The following MAGI2 variants were observed in gnomAD, a reference collection of about 807,000 sequenced individuals.
The protein encoded by MAGI2 is membrane associated guanylate kinase, WW and PDZ domain containing 2.
Under a neutral mutation model 133.3 loss-of-function variants are expected in MAGI2, and 35 were observed. That is an observed-to-expected ratio of 0.26 (90% CI 0.20 to 0.35). The LOEUF is 0.35. Ranked by LOEUF, MAGI2 falls within the 10% of genes least tolerant of loss-of-function variation. The probability of loss-of-function intolerance (pLI) is 1.00; values close to 1 mark genes in which losing one functional copy is unlikely to be tolerated. For synonymous variants in MAGI2, 729 were observed against 710.6 expected, an observed-to-expected ratio of 1.03 and a Z score of -0.41; for missense variants, 1,636 against 1,863.4, an observed-to-expected ratio of 0.88 and a Z score of 2.25.
intron 1 of MAGI2, among the ~76,000 whole-genome samples, chr7:79,077,523 C>G (rs1228838817): frequency 7.4e-6 from 1 of 135,714 alleles, no homozygotes; most frequent in Non-Finnish European, 1.5e-5. Flanking sequence ...TGCAGTGAGC[C>G]GAGATTGTGC....
At chr7:78,357,356 T>A (rs2151221056) in intron 7 of MAGI2, among the ~76,000 whole-genome samples, 1 of 152,292 alleles carries the variant, frequency 6.6e-6, no homozygotes, top group South Asian at 2.1e-4. Flanking sequence ...GCTATTAATA[T>A]TTTTTTCTCT....
chr7:78,631,078 C>T (rs754215839), intron 2 of MAGI2, among the ~76,000 whole-genome samples: 2 of 152,114 alleles, frequency 1.3e-5, no homozygotes, highest in Non-Finnish European at 2.9e-5. Flanking sequence ...GCATGGAAGC[C>T]ACATTGTTTG....
At chr7:78,888,187 C>A (rs570358314) in intron 2 of MAGI2, among the ~76,000 whole-genome samples, 1 of 152,018 alleles carries the variant, frequency 6.6e-6, no homozygotes, top group African/African-American at 2.4e-5. Flanking sequence ...GGGGGAGGGG[C>A]GCCCACCATT....
At chr7:79,028,332 T>TACACAC (rs1159498898) in intron 1 of MAGI2, among the ~76,000 whole-genome samples, 1 of 26,296 alleles carries the variant, frequency 3.8e-5, no homozygotes, top group Non-Finnish European at 1.1e-4. Flanking sequence ...TATATACATA[T>TACACAC]ATATACACAC....
chr7:78,279,886 G>A (rs968920055), intron 9 of MAGI2, among the ~76,000 whole-genome samples: 1 of 152,174 alleles, frequency 6.6e-6, no homozygotes, highest in Admixed American at 6.6e-5. Context: ...TACGGAGATT[G>A]AAAACTGAAA....
At chr7:78,570,807 T>G (rs80214630) in intron 3 of MAGI2, among the ~76,000 whole-genome samples, 2,085 of 152,308 alleles carry the variant, frequency 0.014, 42 homozygotes, top group African/African-American at 0.047. Context: ...TTCTTTGTTT[T>G]GATTTCATCC....
chr7:78,435,790 A>G (rs1800228719), intron 6 of MAGI2, among the ~76,000 whole-genome samples: 1 of 152,168 alleles, frequency 6.6e-6, no homozygotes, highest in Admixed American at 6.6e-5. Flanking sequence ...CCAGAAAACA[A>G]ACAGTTCCTT....
chr7:79,147,800 G>A (rs1822794011), intron 1 of MAGI2, among the ~76,000 whole-genome samples: 1 of 152,148 alleles, frequency 6.6e-6, no homozygotes, highest in Non-Finnish European at 1.5e-5. Flanking sequence ...AAGCATGAGG[G>A]TGGCAGCAGC....
chr7:78,891,680 A>C (rs941244391), intron 2 of MAGI2, among the ~76,000 whole-genome samples: 1 of 152,054 alleles, frequency 6.6e-6, no homozygotes, highest in Non-Finnish European at 1.5e-5. Flanking sequence ...ATTCAACAAC[A>C]CTTCATGCTA....
At chr7:78,372,764 C>T (rs779035015) in intron 6 of MAGI2, among the ~76,000 whole-genome samples, 2 of 152,094 alleles carry the variant, frequency 1.3e-5, no homozygotes, top group Non-Finnish European at 2.9e-5. Context: ...CCTAGCTTTG[C>T]CTGGATTCTG....
intron 1 of MAGI2, among the ~76,000 whole-genome samples, chr7:79,140,350 A>G (rs1256551505): frequency 6.6e-6 from 1 of 152,196 alleles, no homozygotes; most frequent in Non-Finnish European, 1.5e-5. Context: ...AGTCTGGGAA[A>G]CATAATTTTT....
At chr7:79,333,987 G>A (rs1840261929) in intron 1 of MAGI2, among the ~76,000 whole-genome samples, 1 of 152,144 alleles carries the variant, frequency 6.6e-6, no homozygotes, top group Admixed American at 6.5e-5. Flanking sequence ...GTATTTTAGA[G>A]TTAAGGATGA....
At position 78,862,809 on chromosome 7, in the gene MAGI2, C is replaced by T. The variant is rs192583261; in HGVS notation, c.418+144281G>A. Among the ~76,000 whole-genome samples the T allele has an allele frequency of 2.4e-3, 364 of 152,248 alleles. 3 individuals are homozygous for T. Among genetic ancestry groups the T allele is most frequent in the African/African-American group, 8.3e-3 (345 of 41,548 alleles). On this transcript the variant is annotated intron_variant, in intron 2 of 21. Coordinates refer to ENST00000354212, the MANE Select transcript of MAGI2 (RefSeq NM_012301.4). ...TTGCTACGATACCACAGACTTGGTCCCTTTTTCTCTCACAAAGCCTCCATA... is the reference window on the plus strand; with the variant it reads ...TTGCTACGATACCACAGACTTGGTCTCTTTTTCTCTCACAAAGCCTCCATA...
At chr7:79,050,029 T>C (rs1812529398) in intron 1 of MAGI2, among the ~76,000 whole-genome samples, 1 of 152,194 alleles carries the variant, frequency 6.6e-6, no homozygotes, top group Non-Finnish European at 1.5e-5. Context: ...CCTGCACATT[T>C]TGTTTTTGAC....
intron 21 of MAGI2, among the ~76,000 whole-genome samples, chr7:78,073,428 C>A (rs367917464): frequency 7.9e-5 from 12 of 152,246 alleles, no homozygotes; most frequent in African/African-American, 2.9e-4. Context: ...GAGACTCCCA[C>A]TTACAACTGG....
chr7:78,183,547 C>A (rs1376902919), intron 13 of MAGI2, among the ~76,000 whole-genome samples: 1 of 151,872 alleles, frequency 6.6e-6, no homozygotes, highest in Non-Finnish European at 1.5e-5. Flanking sequence ...TGCAGGCATG[C>A]ACCACCGCAA....
rs142429378 is a variant in MAGI2 at position 78,903,557 on chromosome 7, A to G, written c.418+103533T>C. 9.9e-4 allele frequency among the ~76,000 whole-genome samples: 150 copies of G among 152,266 alleles called. 3 individuals carry two copies. In the East Asian group the frequency reaches 0.024, roughly 24 times the overall value. Reference sequence around the variant, plus strand: ...CATTTCCCACAATCACTGGAACACAATGGTAGTACAGATTAAGCAAATAAG... The same window carrying G: ...CATTTCCCACAATCACTGGAACACAGTGGTAGTACAGATTAAGCAAATAAG... On this transcript the variant is annotated intron_variant, in intron 2 of 21. Coordinates refer to ENST00000354212, the MANE Select transcript of MAGI2 (RefSeq NM_012301.4).
chr7:79,168,883 A>AAGATAGAT (rs1369123489), intron 1 of MAGI2, among the ~76,000 whole-genome samples: 16 of 98,268 alleles, frequency 1.6e-4, no homozygotes, highest in South Asian at 4.0e-4. Flanking sequence ...TTTCTTTCTA[A>AAGATAGAT]AGATAGATAT....
chr7:79,096,521 A>T (rs2129542890), intron 1 of MAGI2, among the ~76,000 whole-genome samples: 1 of 152,222 alleles, frequency 6.6e-6, no homozygotes, highest in Non-Finnish European at 1.5e-5. Flanking sequence ...TTAACTCTAA[A>T]TTACTCCTTT....
Sources: allele counts gnomAD v4.1 joint callset (sites outside exome capture counted in the v4.1 genomes callset), GRCh38; gene constraint gnomAD v4.1.1; transcripts MANE v1.5; gene names NCBI Gene and HGNC (gene_info 2026-07-23, HGNC 2026-07-21).